The following HOMER1 variants were observed in gnomAD, a reference collection of about 807,000 sequenced individuals.
HOMER1 encodes homer scaffold protein 1.
In HOMER1, 3 loss-of-function variants were observed where a neutral mutation model predicts 48.9. The ratio of observed to expected loss-of-function variants is 0.06; its 90% CI spans 0.03 to 0.16. The LOEUF (loss-of-function observed/expected upper bound fraction) is 0.16. Ranked by LOEUF, HOMER1 falls within the 10% of genes least tolerant of loss-of-function variation. The pLI is 1.00. For synonymous variants in HOMER1, 134 were observed against 146.4 expected (o/e 0.92, Z 0.61); for missense variants, 247 against 411.4 (o/e 0.60, Z 3.46).
chr5:79,394,565 A>G (rs905361945), intron 8 of HOMER1, among the ~76,000 whole-genome samples: 1 of 152,204 alleles, frequency 6.6e-6, no homozygotes, highest in Non-Finnish European at 1.5e-5. Flanking sequence ...TGCTCTATCA[A>G]TGATGAAATC....
intron 1 of HOMER1, among the ~76,000 whole-genome samples, chr5:79,492,286 G>A (rs781777708): frequency 1.1e-4 from 17 of 152,106 alleles, no homozygotes; most frequent in Non-Finnish European, 1.8e-4. Context: ...AATTAGTACA[G>A]GGGTACAGTT....
At chr5:79,383,587 T>C (rs755322481) in intron 8 of HOMER1, among the ~76,000 whole-genome samples, 4 of 152,092 alleles carry the variant, frequency 2.6e-5, no homozygotes, top group Non-Finnish European at 5.9e-5. Context: ...AGTTTCACCA[T>C]GTTGGCCAGG....
intron 5 of HOMER1, among the ~76,000 whole-genome samples, chr5:79,403,523 T>C (rs1391842032): frequency 2.6e-5 from 4 of 152,096 alleles, no homozygotes; most frequent in Admixed American, 2.0e-4. Flanking sequence ...AAATATCATA[T>C]AAACCCAAAC....
intron 5 of HOMER1, among the ~76,000 whole-genome samples, chr5:79,434,263 G>A (rs894601631): frequency 1.3e-5 from 2 of 151,854 alleles, no homozygotes; most frequent in Non-Finnish European, 1.5e-5. Flanking sequence ...CATTGTGACA[G>A]CACTGGAATA....
At position 79,384,877 on chromosome 5, in the gene HOMER1, AGAAT is replaced by A. The variant is rs1479642222; in HGVS notation, c.877-8684_877-8681del. Among the ~76,000 whole-genome samples the A allele has an allele frequency of 2.6e-5, 4 of 152,292 alleles. No homozygotes were observed. The East Asian group carries it at 7.7e-4, about 29-fold the overall frequency. On this transcript the variant is annotated intron_variant, in intron 8 of 8. Coordinates refer to ENST00000334082, the MANE Select transcript of HOMER1 (RefSeq NM_004272.5). ...TTAATAAATGATACATCCCATCAAC[AGAAT>A]GAAGGAAAAAAATATGATCATCAAT...
intron 5 of HOMER1, among the ~76,000 whole-genome samples, chr5:79,428,574 T>TAA (rs554575406): frequency 2.4e-3 from 358 of 152,232 alleles, no homozygotes; most frequent in African/African-American, 8.3e-3. Context: ...TTAAGACTAA[T>TAA]AAATGAGTTC....
In HOMER1 at chr5:79,439,111, C is replaced by T. The variant is rs74664918; in HGVS notation, c.426G>A (p.Pro142=). The T allele has an allele frequency of 5.1e-5, 82 of 1,613,736 alleles. No individual in the cohort carries two copies. The African/African-American group carries it at 8.7e-4, about 17-fold the overall frequency. The change falls in exon 5 of 9, where the codon CCG becomes CCA. Residue 142 remains proline, a synonymous_variant. Transcript: ENST00000334082. ...CATCATCTGTCCCGTTGATACTTTC[C>T]GGTGTTAAAGGAGACTGAAGATCCC... ...AGGDLQSPLT[P]ESINGTDDER...
chr5:79,486,838 T>A (rs901591672), intron 1 of HOMER1, among the ~76,000 whole-genome samples: 1 of 152,254 alleles, frequency 6.6e-6, no homozygotes, highest in African/African-American at 2.4e-5. Context: ...TATTGAGTTT[T>A]AAGCAAGGTA....
intron 5 of HOMER1, among the ~76,000 whole-genome samples, chr5:79,434,768 C>T (rs1227004023): frequency 2.0e-5 from 3 of 151,832 alleles, no homozygotes; most frequent in African/African-American, 4.8e-5. Flanking sequence ...AGTACTATAG[C>T]ACTTGACTAA....
At chr5:79,412,451 T>C (rs778703404) in intron 5 of HOMER1, among the ~76,000 whole-genome samples, 10 of 152,264 alleles carry the variant, frequency 6.6e-5, no homozygotes, top group Admixed American at 6.5e-4. Context: ...TTTGAGGATC[T>C]GCTCTTAACA....
intron 4 of HOMER1, among the ~76,000 whole-genome samples, chr5:79,440,006 G>C (rs1750697691): frequency 6.6e-6 from 1 of 152,190 alleles, no homozygotes; most frequent in East Asian, 1.9e-4. Flanking sequence ...GACTGTTAAA[G>C]AGCAGCTTGG....
At chr5:79,444,972 G>A (rs1383605069) in intron 4 of HOMER1, among the ~76,000 whole-genome samples, 1 of 151,912 alleles carries the variant, frequency 6.6e-6, no homozygotes, top group African/African-American at 2.4e-5. Context: ...TCAATCCAGA[G>A]TACACCTTTA....
chr5:79,416,302 A>C (rs1246635356), intron 5 of HOMER1, among the ~76,000 whole-genome samples: 2 of 152,238 alleles, frequency 1.3e-5, no homozygotes, highest in Non-Finnish European at 2.9e-5. Context: ...TAGCAAGTTA[A>C]TGAAGCAATG....
rs80256624 is a variant in HOMER1, at chr5:79,426,221, A to C, written c.527+12789T>G. Among the ~76,000 whole-genome samples the C allele has an allele frequency of 8.3e-3, 1,263 of 152,240 alleles. 15 individuals carry two copies. Among genetic ancestry groups the C allele is most frequent in the African/African-American group, 0.027 (1,127 of 41,586 alleles). On this transcript the variant is annotated intron_variant, in intron 5 of 8. Coordinates refer to ENST00000334082, the MANE Select transcript of HOMER1 (RefSeq NM_004272.5). ...CTATGAAGAACTGTGGATGTTCCTT[A>C]AAAGACTAAAAATAGAACTACCATA... is the stretch of plus-strand genomic sequence containing the variant.
At chr5:79,384,992 A>G (rs1749072331) in intron 8 of HOMER1, among the ~76,000 whole-genome samples, 1 of 152,202 alleles carries the variant, frequency 6.6e-6, no homozygotes, top group African/African-American at 2.4e-5. Flanking sequence ...AACATGTTTC[A>G]AGATAATAAA....
chr5:79,476,044 G>A lies in HOMER1; in HGVS notation c.6-19026C>T, dbSNP rs1751767944. Among the ~76,000 whole-genome samples, 7 of 152,138 alleles carry A rather than the reference G, an allele frequency of 4.6e-5. No individual in the cohort carries two copies. In the South Asian group the frequency reaches 1.2e-3, roughly 27 times the overall value. ...CCATGCTCTTCACAGTTCTCTCACC[G>A]TTGTTATTGAAATATTATACCTGAC... On this transcript the variant is annotated intron_variant, in intron 1 of 8. Transcript: ENST00000334082.
At chr5:79,385,726 C>T (rs116052450) in intron 8 of HOMER1, among the ~76,000 whole-genome samples, 3,598 of 151,208 alleles carry the variant, frequency 0.024, 143 homozygotes, top group African/African-American at 0.083. Context: ...ATCTGTAATC[C>T]CAGCTACTCA....
intron 1 of HOMER1, among the ~76,000 whole-genome samples, chr5:79,480,245 G>A (rs1311898607): frequency 1.3e-5 from 2 of 152,264 alleles, no homozygotes; most frequent in African/African-American, 2.4e-5. Context: ...GAAAAGTAGG[G>A]GGAAAGGTGG....
intron 5 of HOMER1, among the ~76,000 whole-genome samples, chr5:79,417,394 G>A (rs1356868852): frequency 6.6e-6 from 1 of 152,128 alleles, no homozygotes; most frequent in South Asian, 2.1e-4. Context: ...CGCCCGCCTC[G>A]GCCTCCCAAA....
Sources: allele counts gnomAD v4.1 joint callset (sites outside exome capture counted in the v4.1 genomes callset), GRCh38; gene constraint gnomAD v4.1.1; transcripts MANE v1.5; gene names NCBI Gene and HGNC (gene_info 2026-07-23, HGNC 2026-07-21).